PLSCR2: variants seen among roughly 807,000 people sequenced by gnomAD.
The protein encoded by PLSCR2 is phospholipid scramblase 2, also known as PL scramblase 2.
Under a neutral mutation model 25.3 loss-of-function variants are expected in PLSCR2, and 18 were observed. That is an observed-to-expected ratio of 0.71 (90% CI 0.49 to 1.06). The LOEUF is 1.06. Among genes scored for constraint, PLSCR2 ranks in the 50% least tolerant of loss-of-function variants. The pLI, the probability that PLSCR2 is intolerant of heterozygous loss-of-function variation, is 0.00. For synonymous variants in PLSCR2, 88 were observed against 87.3 expected, an observed-to-expected ratio of 1.01 and a Z score of -0.04; for missense variants, 243 against 269.5, an observed-to-expected ratio of 0.90 and a Z score of 0.69.
At chr3:146,458,190 G>A (rs1164332130) in intron 3 of PLSCR2, among the ~76,000 whole-genome samples, 1 of 152,154 alleles carries the variant, frequency 6.6e-6, no homozygotes. Flanking sequence ...ATTCACACAG[G>A]TAGAACCCAC....
At chr3:146,416,399 A>G (rs1384390709) in intron 2 of PLSCR2, 6 of 152,180 alleles carry the variant, frequency 3.9e-5, no homozygotes, top group Non-Finnish European at 5.9e-5. Context: ...TTAAAGTCAC[A>G]GTATTTTAAT....
At chr3:146,402,555 C>T (rs541239632) in intron 2 of PLSCR2, among the ~76,000 whole-genome samples, 3 of 152,130 alleles carry the variant, frequency 2.0e-5, no homozygotes, top group African/African-American at 7.2e-5. Context: ...ACAACCTCCG[C>T]CTCCCAGGTT....
chr3:146,495,881 A>T, intron 1 of PLSCR2: 1 of 1,532,588 alleles, frequency 6.5e-7, no homozygotes, highest in Non-Finnish European at 8.7e-7. Context: ...TGGAAACTAC[A>T]TGTCATTGGC....
At chr3:146,405,333 T>A (rs1445902675) in intron 2 of PLSCR2, among the ~76,000 whole-genome samples, 3 of 152,166 alleles carry the variant, frequency 2.0e-5, no homozygotes, top group African/African-American at 7.2e-5. Flanking sequence ...GAATTGCGGA[T>A]ATAGCTTGCC....
At chr3:146,421,586 C>G (rs888337558) in intron 2 of PLSCR2, among the ~76,000 whole-genome samples, 2 of 152,078 alleles carry the variant, frequency 1.3e-5, no homozygotes, top group Admixed American at 1.3e-4. Context: ...GTTTGGTCCT[C>G]TGTCTGGCCC....
chr3:146,418,496 G>A (rs1206246073), intron 2 of PLSCR2, among the ~76,000 whole-genome samples: 3 of 152,164 alleles, frequency 2.0e-5, no homozygotes, highest in Non-Finnish European at 4.4e-5. Flanking sequence ...GACAGGCATA[G>A]TTTCCCTGTT....
chr3:146,431,086 C>A (rs1217645854), downstream of PLSCR2, among the ~76,000 whole-genome samples: 1 of 152,228 alleles, frequency 6.6e-6, no homozygotes, highest in East Asian at 1.9e-4. Flanking sequence ...CATTGCCTTC[C>A]CCCTCAGGCC....
intron 1 of PLSCR2, among the ~76,000 whole-genome samples, chr3:146,493,894 G>A (rs985177494): frequency 6.5e-5 from 9 of 139,070 alleles, no homozygotes; most frequent in South Asian, 2.4e-4. Context: ...CATTAATAAT[G>A]TGTAAGATAA....
At chr3:146,417,701 G>A (rs2039036877) in intron 2 of PLSCR2, among the ~76,000 whole-genome samples, 1 of 152,146 alleles carries the variant, frequency 6.6e-6, no homozygotes, top group Non-Finnish European at 1.5e-5. Context: ...TTAGCAACAT[G>A]TATTGTATAT....
chr3:146,411,288 A>G (rs891075011), intron 2 of PLSCR2, among the ~76,000 whole-genome samples: 1 of 152,114 alleles, frequency 6.6e-6, no homozygotes, highest in Non-Finnish European at 1.5e-5. Context: ...CAGAAAACCA[A>G]GGCTCAAACC....
chr3:146,422,223 C>T (rs1576592407), intron 2 of PLSCR2, among the ~76,000 whole-genome samples: 3 of 152,068 alleles, frequency 2.0e-5, no homozygotes, highest in East Asian at 3.9e-4. Context: ...TAATATTAAA[C>T]AAGAAAACAA....
intron 1 of PLSCR2, among the ~76,000 whole-genome samples, chr3:146,483,174 A>C (rs1259017080): frequency 6.6e-6 from 1 of 151,242 alleles, no homozygotes; most frequent in Non-Finnish European, 1.5e-5. Flanking sequence ...TCTACAAAGA[A>C]CTTAAACAAA....
intron 1 of PLSCR2, among the ~76,000 whole-genome samples, chr3:146,488,413 T>C (rs1317289359): frequency 2.6e-5 from 4 of 152,058 alleles, no homozygotes; most frequent in African/African-American, 9.7e-5. Flanking sequence ...GAGAGAAAAG[T>C]TTTGCAGTCT....
intron 3 of PLSCR2, among the ~76,000 whole-genome samples, chr3:146,395,208 C>T (rs1227357485): frequency 6.6e-6 from 1 of 152,066 alleles, no homozygotes; most frequent in Non-Finnish European, 1.5e-5. Context: ...AAACGCTAAA[C>T]ATATCTGTGA....
intron 1 of PLSCR2, among the ~76,000 whole-genome samples, chr3:146,481,578 C>T (rs1365379837): frequency 6.6e-6 from 1 of 151,978 alleles, no homozygotes; most frequent in Non-Finnish European, 1.5e-5. Context: ...GGAAATAAGA[C>T]AGGACACAAA....
upstream of PLSCR2, chr3:146,463,739 C>A (rs186891213): frequency 1.6e-5 from 6 of 367,406 alleles, no homozygotes; most frequent in Non-Finnish European, 2.3e-5. Context: ...TTACCAACTC[C>A]TCCTACTGTG....
intron 2 of PLSCR2, 92 bp from the exon 3 acceptor site, chr3:146,458,545 C>G (rs1576676320): frequency 1.2e-6 from 1 of 821,042 alleles, no homozygotes; most frequent in African/African-American, 1.8e-5. Context: ...TGCATATAAT[C>G]AGTTATCGAC....
At chr3:146,429,226 A>G (rs925384244), downstream of PLSCR2, among the ~76,000 whole-genome samples, 1 of 152,220 alleles carries the variant, frequency 6.6e-6, no homozygotes, top group African/African-American at 2.4e-5. Flanking sequence ...GGGGACCAGC[A>G]TGTCACATGG....
chr3:146,423,236 T>TCC (rs2039213484), intron 2 of PLSCR2, among the ~76,000 whole-genome samples: 4 of 42,616 alleles, frequency 9.4e-5, no homozygotes, highest in Non-Finnish European at 2.0e-4. Context: ...TTGCAGTGCC[T>TCC]CTCTCTCTCT....
Sources: allele counts gnomAD v4.1 joint callset (sites outside exome capture counted in the v4.1 genomes callset), GRCh38; gene constraint gnomAD v4.1.1; transcripts MANE v1.5; gene names NCBI Gene and HGNC (gene_info 2026-07-23, HGNC 2026-07-21).